Variants in FOXP1 observed in about 807,000 individuals in gnomAD.
FOXP1 encodes forkhead box protein P1.
In FOXP1, 15 loss-of-function variants were observed where a neutral mutation model predicts 98.2. That is an observed-to-expected ratio of 0.15 (90% CI 0.10 to 0.24). The LOEUF (loss-of-function observed/expected upper bound fraction) is 0.24. FOXP1 is among the 10% of genes least tolerant of loss of function. The pLI is 1.00. For synonymous variants in FOXP1, 371 were observed against 314.5 expected, an observed-to-expected ratio of 1.18 and a Z score of -1.90; for missense variants, 633 against 848.5, an observed-to-expected ratio of 0.75 and a Z score of 3.15.
intron 6 of FOXP1, among the ~76,000 whole-genome samples, chr3:71,173,678 C>A (rs772984276): frequency 1.3e-5 from 2 of 151,998 alleles, no homozygotes; most frequent in African/African-American, 2.4e-5. Context: ...AAGGAATTAC[C>A]GAGGTTATCT....
intron 5 of FOXP1, among the ~76,000 whole-genome samples, chr3:71,233,136 C>T (rs1354945404): frequency 6.6e-6 from 1 of 150,846 alleles, no homozygotes; most frequent in Admixed American, 6.6e-5. Context: ...CAGAGTGAGA[C>T]CCTATCTCCC....
chr3:70,959,725 T>C (rs1400970651), intron 20 of FOXP1, among the ~76,000 whole-genome samples: 2 of 152,170 alleles, frequency 1.3e-5, no homozygotes, highest in Non-Finnish European at 2.9e-5. Context: ...GTCTCTGGAC[T>C]GGTGTGGGCC....
intron 13 of FOXP1, among the ~76,000 whole-genome samples, chr3:70,989,120 C>G (rs2040216265): frequency 1.3e-5 from 2 of 151,670 alleles, no homozygotes; most frequent in African/African-American, 4.8e-5. Flanking sequence ...CAAATTATTC[C>G]CAAATAAAAA....
chr3:71,067,128 G>C (rs1022824211), intron 7 of FOXP1, among the ~76,000 whole-genome samples: 1 of 152,224 alleles, frequency 6.6e-6, no homozygotes, highest in African/African-American at 2.4e-5. Context: ...AAAAGAGAGA[G>C]GGAAATGGCT....
intron 5 of FOXP1, among the ~76,000 whole-genome samples, chr3:71,273,396 G>A (rs1455348249): frequency 6.6e-6 from 1 of 152,150 alleles, no homozygotes; most frequent in Non-Finnish European, 1.5e-5. Flanking sequence ...TACATGCTCA[G>A]GCCCTCACCC....
intron 17 of FOXP1, among the ~76,000 whole-genome samples, chr3:70,975,611 C>T (rs1395415035): frequency 6.6e-6 from 1 of 152,112 alleles, no homozygotes; most frequent in Non-Finnish European, 1.5e-5. Context: ...TCCTTGTGTC[C>T]TATAACACAT....
Position 70,958,882 on chromosome 3 carries a change from G to A in FOXP1, c.*365C>T. The A allele has an allele frequency of 9.8e-6, 4 of 409,574 alleles. No individual in the cohort carries two copies. The highest frequency in any genetic ancestry group is 1.8e-5 in the Non-Finnish European group (4 of 220,338). The allele number at this position is 409,574 out of a possible 1,614,324, so 25.4% of individuals were successfully genotyped here. ...AGCTTAGGTGCACAAGCTCTGTCGG[G>A]CGTCCTCAGTGTCCAACGTTGGCAG... On this transcript the variant is annotated 3_prime_UTR_variant, in exon 21 of 21. Coordinates refer to ENST00000649528, the MANE Select transcript of FOXP1 (RefSeq NM_001349338.3).
At position 71,559,341 on chromosome 3, in the gene FOXP1, A is replaced by G. The variant is rs147693577; in HGVS notation, c.-298+22208T>C. ...AAAACTGATAGAATGGACAACTGCT[A>G]TTTTTACCAGACAAACATAGTTTCT... On this transcript the variant is annotated intron_variant, in intron 2 of 20. Coordinates refer to ENST00000649528, the MANE Select transcript of FOXP1 (RefSeq NM_001349338.3). Among the ~76,000 whole-genome samples the G allele has an allele frequency of 2.2e-3, 341 of 152,332 alleles. 2 individuals are homozygous for G. Among genetic ancestry groups the G allele is most frequent in the South Asian group, 0.014 (67 of 4,828 alleles).
rs777619374 is a variant in FOXP1 at position 70,955,970 on chromosome 3, G to A, written c.*3277C>T. 1 of 233,092 alleles carries A rather than the reference G, an allele frequency of 4.3e-6. No homozygotes were observed. 14.4% of individuals were successfully genotyped at this position (233,092 alleles called of 1,614,324 possible). On this transcript the variant is annotated 3_prime_UTR_variant, in exon 21 of 21. Transcript: ENST00000649528. ...GGAGTTTCTCCCTCCCACATGTCAG[G>A]AAATGTCATCCAATATTCTTAAAGC...
intron 8 of FOXP1, among the ~76,000 whole-genome samples, chr3:71,053,167 T>C (rs1017217164): frequency 2.0e-5 from 3 of 152,160 alleles, no homozygotes; most frequent in African/African-American, 7.2e-5. Context: ...CAACATCGTA[T>C]GTGGAAGAAG....
intron 3 of FOXP1, among the ~76,000 whole-genome samples, chr3:71,492,451 C>T (rs1314940431): frequency 7.8e-6 from 1 of 128,906 alleles, no homozygotes; most frequent in African/African-American, 2.8e-5. Context: ...ACTCCGTCTC[C>T]AAAAAAAAAA....
chr3:71,582,827 G>A (rs533499352), intron 1 of FOXP1: 34 of 981,962 alleles, frequency 3.5e-5, no homozygotes, highest in South Asian at 4.7e-5. Context: ...AGGGGGTGGC[G>A]GGAGAGCTTC....
At chr3:71,228,961 TTGG>T (rs1358782025) in intron 5 of FOXP1, among the ~76,000 whole-genome samples, 1 of 66,564 alleles carries the variant, frequency 1.5e-5, no homozygotes, top group Non-Finnish European at 2.7e-5. Flanking sequence ...GCTTTTACTG[TTGG>T]TTGTTTTTTT....
chr3:71,011,239 A>G (rs892359397), intron 12 of FOXP1, among the ~76,000 whole-genome samples: 5 of 151,938 alleles, frequency 3.3e-5, no homozygotes, highest in African/African-American at 1.2e-4. Flanking sequence ...CAACTTTCTC[A>G]TCCCCAGCCC....
At chr3:71,211,214 T>G (rs2064433532) in intron 5 of FOXP1, among the ~76,000 whole-genome samples, 1 of 152,164 alleles carries the variant, frequency 6.6e-6, no homozygotes, top group Admixed American at 6.5e-5. Context: ...ATTTTTCCAT[T>G]TTTATTTTTG....
chr3:70,955,267 T>C lies in FOXP1; in HGVS notation c.*3980A>G, dbSNP rs1480539647. ...CTAGTGATTTACAGCCTATCTTGGG[T>C]TAAGAATCCAAGGTTTTCTTTACTA... On this transcript the variant is annotated 3_prime_UTR_variant, in exon 21 of 21. Transcript: ENST00000649528. The C allele has an allele frequency of 6.4e-5, 15 of 232,856 alleles. No individual in the cohort carries two copies. The highest frequency in any genetic ancestry group is 1.3e-4 in the Non-Finnish European group (15 of 117,820). The allele number at this position is 232,856 out of a possible 1,614,324, so 14.4% of individuals were successfully genotyped here.
At chr3:71,248,480 C>T (rs937772077) in intron 5 of FOXP1, among the ~76,000 whole-genome samples, 3 of 152,096 alleles carry the variant, frequency 2.0e-5, no homozygotes, top group Non-Finnish European at 2.9e-5. Context: ...CGGTGGCTCA[C>T]GCCTGTAATC....
chr3:70,971,948 G>A, intron 18 of FOXP1: 2 of 1,291,364 alleles, frequency 1.5e-6, no homozygotes, highest in South Asian at 4.3e-5. Flanking sequence ...CATGGGATGA[G>A]TCAACCATGC....
chr3:71,212,857 A>G (rs1427256166), intron 5 of FOXP1, among the ~76,000 whole-genome samples: 1 of 151,998 alleles, frequency 6.6e-6, no homozygotes. Flanking sequence ...GTGTCTACGT[A>G]ATGGGAAATG....
Sources: gnomAD v4.1 joint callset for allele counts (sites outside exome capture counted in the v4.1 genomes callset) on GRCh38, gnomAD v4.1.1 for gene constraint, MANE v1.5 for transcripts, NCBI Gene and HGNC (gene_info 2026-07-23, HGNC 2026-07-21) for gene names.